CHD9: variants seen among roughly 807,000 people sequenced by gnomAD.
CHD9 encodes the protein ATP-dependent chromatin remodeler CHD9.
In CHD9, 77 loss-of-function variants were observed where a neutral mutation model predicts 316.1. The ratio of observed to expected loss-of-function variants is 0.24; its 90% confidence interval spans 0.20 to 0.29. The LOEUF (loss-of-function observed/expected upper bound fraction) is 0.29. Among genes scored for constraint, CHD9 ranks in the 10% least tolerant of loss-of-function variants. The pLI is 1.00. For synonymous variants in CHD9, 1,129 were observed against 1,158.3 expected (o/e 0.97, Z 0.51); for missense variants, 2,763 against 3,438.1 (o/e 0.80, Z 4.91).
intron 20 of CHD9, among the ~76,000 whole-genome samples, chr16:53,265,928 G>T (rs2051623625): frequency 6.6e-6 from 1 of 150,610 alleles, no homozygotes; most frequent in African/African-American, 2.4e-5. Context: ...CAAAAGATTT[G>T]GGGAAAAAGA....
chr16:53,135,122 A>C (rs1370564400), intron 1 of CHD9, among the ~76,000 whole-genome samples: 3 of 152,164 alleles, frequency 2.0e-5, no homozygotes, highest in Non-Finnish European at 4.4e-5. Context: ...AGAGAGAAAA[A>C]TATGTTTGAA....
At position 53,247,480 on chromosome 16, in the gene CHD9, G is replaced by A; in HGVS notation, c.3642G>A (p.Leu1214=). ...FSQMVRCLDI[L]EDYLIHKRYL... ...AAATGGTTCGTTGCCTTGACATTCTGGAGGACTATCTCATACATAAAAGGT... is the reference window on the plus strand; with the variant it reads ...AAATGGTTCGTTGCCTTGACATTCTAGAGGACTATCTCATACATAAAAGGT... The change falls in exon 16 of 39, where the codon CTG becomes CTA. Residue 1214 remains leucine (L), a synonymous_variant. Transcript: ENST00000447540. 6.2e-7 allele frequency: 1 copy of A among 1,602,046 alleles called. No homozygotes were observed.
chr16:53,296,970 A>G lies in CHD9; in HGVS notation c.5525A>G (p.Glu1842Gly). The G allele has an allele frequency of 6.2e-7, 1 of 1,613,186 alleles. No homozygotes were observed. Among genetic ancestry groups the G allele is most frequent in the Non-Finnish European group, 8.5e-7 (1 of 1,179,376 alleles). The change falls in exon 30 of 39, where the codon GAA (glutamate) becomes GGA (glycine). Residue 1842 changes from glutamate (E) to glycine (G), a missense_variant. Glu to Gly is a moderately conservative substitution (Grantham distance 98). Around this residue, in one of 15 missense-constraint regions of CHD9, gnomAD observed 183 missense variants for 258.5 expected, o/e 0.71. Transcript: ENST00000447540. The stretch of plus-strand genomic sequence containing the variant: ...ACTCAAAATAGATGGACAAGAAGAG[A>G]AGAAGCTGACTTTTATAGGGTTGTA... ...IERQQRWTRREEADFYRVVST... is the reference protein window; with the variant it reads ...IERQQRWTRRGEADFYRVVST...
chr16:53,212,128 G>A (rs527443321), intron 3 of CHD9, among the ~76,000 whole-genome samples: 82 of 152,170 alleles, frequency 5.4e-4, no homozygotes, highest in African/African-American at 1.8e-3. Context: ...ATGGCTGGGC[G>A]CGGTGGCTCA....
chr16:53,114,374 C>T (rs915154659), intron 1 of CHD9, among the ~76,000 whole-genome samples: 3 of 151,964 alleles, frequency 2.0e-5, no homozygotes, highest in African/African-American at 7.3e-5. Flanking sequence ...TCTTCTGCCT[C>T]AGCCTCCCGA....
chr16:53,080,999 A>C (rs1009791700), intron 1 of CHD9, among the ~76,000 whole-genome samples: 3 of 152,152 alleles, frequency 2.0e-5, no homozygotes, highest in Non-Finnish European at 4.4e-5. Context: ...AAAGTTATTC[A>C]TTACGCAAAG....
chr16:53,197,844 C>T (rs1597389325), intron 2 of CHD9, among the ~76,000 whole-genome samples: 1 of 151,750 alleles, frequency 6.6e-6, no homozygotes, highest in Non-Finnish European at 1.5e-5. Context: ...TTTTAGTAGA[C>T]ACGGGGTTTC....
intron 2 of CHD9, among the ~76,000 whole-genome samples, chr16:53,175,682 G>A (rs1238505100): frequency 6.6e-6 from 1 of 152,084 alleles, no homozygotes; most frequent in African/African-American, 2.4e-5. Context: ...TGGAAAATAA[G>A]GCAAATATAC....
chr16:53,214,223 TAGAG>T (rs1422220789), intron 3 of CHD9, among the ~76,000 whole-genome samples: 1 of 152,288 alleles, frequency 6.6e-6, no homozygotes, highest in African/African-American at 2.4e-5. Flanking sequence ...TGTATGTCTT[TAGAG>T]AGACATTCTT....
At chr16:53,108,705 T>A (rs2037577437) in intron 1 of CHD9, among the ~76,000 whole-genome samples, 1 of 151,592 alleles carries the variant, frequency 6.6e-6, no homozygotes, top group Non-Finnish European at 1.5e-5. Context: ...TGAAACCCTG[T>A]CTCTACTAAA....
At chr16:53,202,311 A>G (rs1046787877) in intron 2 of CHD9, among the ~76,000 whole-genome samples, 1 of 152,144 alleles carries the variant, frequency 6.6e-6, no homozygotes, top group Non-Finnish European at 1.5e-5. Context: ...GTTCAGGCCA[A>G]TATCTAAACT....
chr16:53,289,572 C>T (rs2153048816), intron 27 of CHD9, among the ~76,000 whole-genome samples: 1 of 152,164 alleles, frequency 6.6e-6, no homozygotes, highest in African/African-American at 2.4e-5. Flanking sequence ...CTGGACCAAT[C>T]AGGAGAGATA....
intron 22 of CHD9, among the ~76,000 whole-genome samples, chr16:53,269,582 A>G (rs1035933996): frequency 2.6e-5 from 4 of 152,222 alleles, no homozygotes; most frequent in African/African-American, 9.6e-5. Context: ...GGAGACAGTG[A>G]GTTTAATTAA....
intron 11 of CHD9, among the ~76,000 whole-genome samples, chr16:53,237,837 CT>C (rs1022540130): frequency 6.6e-6 from 1 of 151,552 alleles, no homozygotes; most frequent in African/African-American, 2.4e-5. Flanking sequence ...GCCTGAGTAT[CT>C]TTTTTTTCAA....
At chr16:53,168,464 C>T (rs2042431796) in intron 2 of CHD9, 2 of 152,084 alleles carry the variant, frequency 1.3e-5, no homozygotes, top group East Asian at 3.8e-4. Context: ...GGTATTATTT[C>T]ATGGAATTTA....
At chr16:53,161,881 A>T (rs1452201785) in intron 2 of CHD9, among the ~76,000 whole-genome samples, 1 of 152,078 alleles carries the variant, frequency 6.6e-6, no homozygotes, top group Non-Finnish European at 1.5e-5. Flanking sequence ...CTTCCCAAGC[A>T]GCTTGGCACC....
chr16:53,058,183 C>T (rs1432456838), intron 1 of CHD9, among the ~76,000 whole-genome samples: 4 of 152,114 alleles, frequency 2.6e-5, no homozygotes, highest in South Asian at 2.1e-4. Context: ...TGCAGTGGCA[C>T]GATGTCAGCT....
In CHD9 at chr16:53,324,406, G is replaced by A. The variant is rs370894173; in HGVS notation, c.8205G>A (p.Thr2735=). 232 of 1,613,970 alleles carry A rather than the reference G, an allele frequency of 1.4e-4. No homozygotes were observed. The highest frequency in any genetic ancestry group is 1.8e-4 in the Non-Finnish European group (215 of 1,179,892). ...TGGGAGGACTCCTGACAAAGCCTAC[G>A]GAATCTGGGACAGAAGACAAAAAGG... ...LGMGGLLTKP[T]ESGTEDKKGS... The change falls in exon 39 of 39, where the codon ACG becomes ACA. Residue 2735 remains threonine (T), a synonymous_variant. Coordinates refer to ENST00000447540, the MANE Select transcript of CHD9 (RefSeq NM_001308319.2).
intron 1 of CHD9, among the ~76,000 whole-genome samples, chr16:53,147,246 C>G (rs894726683): frequency 6.6e-6 from 1 of 152,118 alleles, no homozygotes; most frequent in African/African-American, 2.4e-5. Flanking sequence ...AGGAATGTCA[C>G]TTTTGAGAAA....
Sources: gnomAD v4.1 joint callset for allele counts (sites outside exome capture counted in the v4.1 genomes callset) on GRCh38, gnomAD v4.1.1 for gene constraint, gnomAD v4.1.1 regional missense constraint, MANE v1.5 for transcripts, NCBI Gene and HGNC (gene_info 2026-07-23, HGNC 2026-07-21) for gene names.